MIPOL1: variants seen among roughly 807,000 people sequenced by gnomAD.
The protein encoded by MIPOL1 is mirror-image polydactyly gene 1 protein.
MIPOL1 carries 57 observed loss-of-function variants against 60.9 expected under a neutral mutation model. The observed-to-expected ratio is 0.94, with a 90% CI of 0.76 to 1.17. The LOEUF (loss-of-function observed/expected upper bound fraction) is 1.17, where lower values mean the gene tolerates loss of function less well. Ranked by LOEUF, MIPOL1 falls within the 50% of genes most tolerant of loss-of-function variation. The pLI is 0.00. For synonymous variants in MIPOL1, 179 were observed against 168.8 expected, an observed-to-expected ratio of 1.06 and a Z score of -0.47; for missense variants, 551 against 511.6, an observed-to-expected ratio of 1.08 and a Z score of -0.74.
chr14:37,421,164 A>G (rs1234798513), intron 10 of MIPOL1, among the ~76,000 whole-genome samples: 1 of 152,176 alleles, frequency 6.6e-6, no homozygotes, highest in African/African-American at 2.4e-5. Context: ...GAAAATTTCT[A>G]GGCAAAAACT....
At chr14:37,480,813 A>G (rs1413915906) in intron 11 of MIPOL1, among the ~76,000 whole-genome samples, 1 of 152,152 alleles carries the variant, frequency 6.6e-6, no homozygotes, top group East Asian at 1.9e-4. Context: ...AGACTCCACA[A>G]AAAAACAAAC....
intron 9 of MIPOL1, among the ~76,000 whole-genome samples, chr14:37,326,320 G>T (rs750841241): frequency 2.6e-5 from 4 of 152,176 alleles, no homozygotes; most frequent in Non-Finnish European, 5.9e-5. Context: ...CTGCTCATGT[G>T]TGCTTCCCTG....
At chr14:37,222,332 C>T (rs1464679440) in intron 1 of MIPOL1, among the ~76,000 whole-genome samples, 1 of 151,566 alleles carries the variant, frequency 6.6e-6, no homozygotes, top group Non-Finnish European at 1.5e-5. Context: ...AAGTGATCCT[C>T]CCACCTCAGC....
intron 12 of MIPOL1, among the ~76,000 whole-genome samples, chr14:37,513,350 T>G (rs527543681): frequency 1.6e-4 from 24 of 152,260 alleles, no homozygotes; most frequent in Non-Finnish European, 3.2e-4. Flanking sequence ...TAGGTTTCTT[T>G]AGAGCTGATT....
intron 10 of MIPOL1, among the ~76,000 whole-genome samples, chr14:37,398,601 A>G (rs574322620): frequency 6.6e-6 from 1 of 152,302 alleles, no homozygotes; most frequent in Admixed American, 6.5e-5. Context: ...TTCAGTTTCT[A>G]TAGAATAAAG....
At chr14:37,365,119 G>C (rs751628321) in intron 9 of MIPOL1, among the ~76,000 whole-genome samples, 12 of 152,072 alleles carry the variant, frequency 7.9e-5, no homozygotes, top group East Asian at 1.9e-4. Context: ...GGAATCTTCA[G>C]GTTTTTCCAA....
intron 7 of MIPOL1, among the ~76,000 whole-genome samples, chr14:37,288,481 C>G (rs1236630249): frequency 6.6e-6 from 1 of 151,972 alleles, no homozygotes; most frequent in Non-Finnish European, 1.5e-5. Context: ...TAATTTATAG[C>G]TACTTGTGGC....
At chr14:37,507,934 T>C (rs1356831852) in intron 12 of MIPOL1, 1 of 152,166 alleles carries the variant, frequency 6.6e-6, no homozygotes, top group African/African-American at 2.4e-5. Context: ...TCTTCTGATT[T>C]CCAACAGTAA....
At chr14:37,329,069 C>CT (rs1363867820) in intron 9 of MIPOL1, among the ~76,000 whole-genome samples, 2 of 151,634 alleles carry the variant, frequency 1.3e-5, no homozygotes, top group Admixed American at 6.6e-5. Context: ...TTTTATTATA[C>CT]TTTAAGTTTT....
chr14:37,286,637 GAC>G (rs1313338719), intron 7 of MIPOL1, among the ~76,000 whole-genome samples: 2 of 152,058 alleles, frequency 1.3e-5, no homozygotes, highest in East Asian at 3.9e-4. Context: ...TCACTGGGGA[GAC>G]AAAAAGCCAT....
chr14:37,278,211 G>A (rs1178031204), intron 6 of MIPOL1: 2 of 151,578 alleles, frequency 1.3e-5, no homozygotes, highest in African/African-American at 2.4e-5. Context: ...ATTTGAGTCG[G>A]TTTTGGTTAA....
At chr14:37,429,248 T>C (rs2094018788) in intron 11 of MIPOL1, among the ~76,000 whole-genome samples, 1 of 152,166 alleles carries the variant, frequency 6.6e-6, no homozygotes, top group Non-Finnish European at 1.5e-5. Context: ...GTTTCGATGT[T>C]TGCTGATTTT....
chr14:37,398,579 T>C (rs1027724411), intron 10 of MIPOL1, among the ~76,000 whole-genome samples: 9 of 152,196 alleles, frequency 5.9e-5, no homozygotes, highest in African/African-American at 2.2e-4. Context: ...GGCACATTTC[T>C]AGGGAGACTA....
intron 9 of MIPOL1, among the ~76,000 whole-genome samples, chr14:37,313,913 C>T (rs1398700944): frequency 6.6e-6 from 1 of 152,124 alleles, no homozygotes; most frequent in African/African-American, 2.4e-5. Flanking sequence ...TCACATCCTT[C>T]AACCTTTCCT....
chr14:37,315,057 G>A (rs1232130384), intron 9 of MIPOL1, among the ~76,000 whole-genome samples: 1 of 152,134 alleles, frequency 6.6e-6, no homozygotes, highest in Non-Finnish European at 1.5e-5. Context: ...GTGGTGTGAT[G>A]AAAATAGTTA....
intron 9 of MIPOL1, among the ~76,000 whole-genome samples, chr14:37,340,958 A>T (rs1389870079): frequency 6.6e-6 from 1 of 152,060 alleles, no homozygotes; most frequent in Non-Finnish European, 1.5e-5. Flanking sequence ...CTATGTTTAG[A>T]TGCACAAATA....
intron 1 of MIPOL1, among the ~76,000 whole-genome samples, chr14:37,207,893 T>A (rs1966348326): frequency 1.3e-5 from 2 of 152,204 alleles, no homozygotes. Flanking sequence ...TTAACAGTTT[T>A]AACTATAAAT....
intron 10 of MIPOL1, 107 bp from the exon 11 acceptor site, chr14:37,422,746 GTT>G (rs112737768): frequency 8.0e-5 from 45 of 561,938 alleles, no homozygotes; most frequent in East Asian, 1.2e-4. Context: ...ACATTCATAG[GTT>G]TTTTTTTTTA....
At chr14:37,269,376 CTG>C (rs924784465) in intron 5 of MIPOL1, among the ~76,000 whole-genome samples, 3 of 151,438 alleles carry the variant, frequency 2.0e-5, no homozygotes, top group South Asian at 2.1e-4. Flanking sequence ...TGTGCATTTT[CTG>C]TGTCTTCTTT....
Sources: gnomAD v4.1 joint callset for allele counts (sites outside exome capture counted in the v4.1 genomes callset) on GRCh38, gnomAD v4.1.1 for gene constraint, MANE v1.5 for transcripts, NCBI Gene and HGNC (gene_info 2026-07-23, HGNC 2026-07-21) for gene names.